The following PPP1R14C variants were observed in gnomAD, a reference collection of about 807,000 sequenced individuals.
PPP1R14C encodes the protein protein phosphatase 1 regulatory subunit 14C.
In PPP1R14C, 16 loss-of-function variants were observed where a neutral mutation model predicts 20.4. That is an observed-to-expected ratio of 0.78 (90% confidence interval 0.53 to 1.19). The LOEUF is 1.19. Among genes scored for constraint, PPP1R14C ranks in the 50% most tolerant of loss-of-function variants. The pLI is 0.00. For synonymous variants in PPP1R14C, 91 were observed against 91.0 expected (o/e 1.00, Z 0.00); for missense variants, 211 against 220.1 (o/e 0.96, Z 0.26).
At chr6:150,214,026 C>T (rs1366006737) in intron 1 of PPP1R14C, among the ~76,000 whole-genome samples, 2 of 152,236 alleles carry the variant, frequency 1.3e-5, no homozygotes, top group South Asian at 2.1e-4. Context: ...GTATGGTAGC[C>T]ACCGGTAATT....
chr6:150,178,529 C>T (rs1003971324), intron 1 of PPP1R14C, among the ~76,000 whole-genome samples: 5 of 152,180 alleles, frequency 3.3e-5, no homozygotes, highest in South Asian at 2.1e-4. Context: ...AAAGTCAATA[C>T]GATTGATTTC....
chr6:150,237,918 G>T (rs1261460125), intron 3 of PPP1R14C, among the ~76,000 whole-genome samples: 1 of 152,120 alleles, frequency 6.6e-6, no homozygotes, highest in Non-Finnish European at 1.5e-5. Flanking sequence ...GTTTCAAAGG[G>T]TTCTTCTATA....
At chr6:150,215,642 T>C (rs1778082251) in intron 2 of PPP1R14C, among the ~76,000 whole-genome samples, 1 of 152,252 alleles carries the variant, frequency 6.6e-6, no homozygotes, top group South Asian at 2.1e-4. Flanking sequence ...AATTATTTCT[T>C]CTTGCTAGAT....
At chr6:150,180,911 G>A (rs9397722) in intron 1 of PPP1R14C, among the ~76,000 whole-genome samples, 93,947 of 152,038 alleles carry the variant, frequency 0.62, 30,314 homozygotes, top group African/African-American at 0.82. Flanking sequence ...CTGCATAGTT[G>A]CTGGAAAAAT....
chr6:150,218,483 C>CG (rs963205025), intron 3 of PPP1R14C, among the ~76,000 whole-genome samples: 17 of 118,696 alleles, frequency 1.4e-4, no homozygotes, highest in African/African-American at 5.6e-4. Flanking sequence ...AACCCCCCCC[C>CG]CCAAAAAAAA....
At chr6:150,180,150 C>T (rs974097601) in intron 1 of PPP1R14C, among the ~76,000 whole-genome samples, 1 of 152,006 alleles carries the variant, frequency 6.6e-6, no homozygotes, top group East Asian at 1.9e-4. Context: ...TGCAGTGAGC[C>T]GAGATTGTGC....
rs937283918 is a variant in PPP1R14C at position 150,143,687 on chromosome 6, C to A, written c.306+189C>A. Among the ~76,000 whole-genome samples the A allele has an allele frequency of 6.6e-6, 1 of 152,204 alleles. No homozygotes were observed. The highest frequency in any genetic ancestry group is 1.5e-5 in the Non-Finnish European group (1 of 68,042). The stretch of plus-strand genomic sequence containing the variant: ...GGCGTCGGGCTCAGCGGTTGGGACG[C>A]CCCTGTCTGGGTTCGGCTGCCGGTG... On this transcript the variant is annotated intron_variant, in intron 1 of 3. Transcript: ENST00000361131. The surrounding 1 kb of genome is among the most constrained non-coding windows in gnomAD (Gnocchi z 5.6).
chr6:150,217,666 C>T (rs1331792940), intron 3 of PPP1R14C, among the ~76,000 whole-genome samples: 1 of 152,186 alleles, frequency 6.6e-6, no homozygotes, highest in Non-Finnish European at 1.5e-5. Context: ...TGTAGACTCT[C>T]ATGACTGACA....
intron 1 of PPP1R14C, among the ~76,000 whole-genome samples, chr6:150,152,999 C>A (rs1777268012): frequency 1.3e-5 from 2 of 152,358 alleles, no homozygotes; most frequent in South Asian, 4.1e-4. Context: ...GGGGCCAGAG[C>A]TCGCTCTCAC....
At chr6:150,235,403 T>G (rs1470822128) in intron 3 of PPP1R14C, among the ~76,000 whole-genome samples, 1 of 152,248 alleles carries the variant, frequency 6.6e-6, no homozygotes, top group African/African-American at 2.4e-5. Flanking sequence ...GGAAATGTGC[T>G]GCATCTTGAT....
rs573970507 is a variant in PPP1R14C, at chr6:150,237,033, G to A, written c.424-11713G>A. ...CTCAGAAGAAACACATGTGTGCTGC[G>A]CCCAGCCTGACATCCATGCCCCAGC... On this transcript the variant is annotated intron_variant, in intron 3 of 3. Coordinates refer to ENST00000361131, the MANE Select transcript of PPP1R14C (RefSeq NM_030949.3). Among the ~76,000 whole-genome samples, 19 of 151,708 alleles carry A rather than the reference G, an allele frequency of 1.3e-4. No homozygotes were observed. In the East Asian group the frequency reaches 2.3e-3, roughly 19 times the overall value.
intron 1 of PPP1R14C, among the ~76,000 whole-genome samples, chr6:150,188,521 C>T (rs1244753161): frequency 6.8e-6 from 1 of 146,032 alleles, no homozygotes; most frequent in Non-Finnish European, 1.5e-5. Flanking sequence ...GAGTCTCGCC[C>T]TATTGCCCAG....
intron 1 of PPP1R14C, among the ~76,000 whole-genome samples, chr6:150,190,291 C>A (rs1334476525): frequency 6.6e-6 from 1 of 152,034 alleles, no homozygotes; most frequent in Non-Finnish European, 1.5e-5. Flanking sequence ...CCTTAGTATG[C>A]CCAAAGCCCA....
chr6:150,247,707 C>T (rs753151144), intron 3 of PPP1R14C, among the ~76,000 whole-genome samples: 2 of 132,702 alleles, frequency 1.5e-5, no homozygotes, highest in Non-Finnish European at 3.3e-5. Flanking sequence ...TGTCAAAAAA[C>T]TTCAAAGACT....
chr6:150,196,707 C>T (rs1777809082), intron 1 of PPP1R14C, among the ~76,000 whole-genome samples: 1 of 152,190 alleles, frequency 6.6e-6, no homozygotes, highest in African/African-American at 2.4e-5. Context: ...AGCATGGCCT[C>T]TCCTTCTCCC....
At chr6:150,213,564 A>T (rs143054434) in intron 1 of PPP1R14C, among the ~76,000 whole-genome samples, 1 of 152,334 alleles carries the variant, frequency 6.6e-6, no homozygotes, top group South Asian at 2.1e-4. Flanking sequence ...GCTCCTGCAG[A>T]TGCTTCTCAG....
chr6:150,172,144 T>C (rs1777507383), intron 1 of PPP1R14C, among the ~76,000 whole-genome samples: 1 of 152,198 alleles, frequency 6.6e-6, no homozygotes, highest in Non-Finnish European at 1.5e-5. Context: ...GAATTTATGT[T>C]ATGTATTCAT....
rs1306276547 is a variant in PPP1R14C, at chr6:150,249,655, A to T, written c.*835A>T. 2.3e-5 allele frequency: 9 copies of T among 397,972 alleles called. No individual in the cohort carries two copies. Among genetic ancestry groups the T allele is most frequent in the Admixed American group, 8.8e-5 (2 of 22,716 alleles). 24.7% of individuals were successfully genotyped at this position (397,972 alleles called of 1,614,324 possible). A position where few individuals can be genotyped will look rare whatever the true frequency, so the allele number is the denominator to read the frequency against. ...TATCTCAGTGGTATTTTGCATTGGA[A>T]AAAGGAAGCACTGTGTAGCAGTGAA... On this transcript the variant is annotated 3_prime_UTR_variant, in exon 4 of 4. Coordinates refer to ENST00000361131, the MANE Select transcript of PPP1R14C (RefSeq NM_030949.3).
intron 1 of PPP1R14C, among the ~76,000 whole-genome samples, chr6:150,147,538 G>A (rs1273549818): frequency 1.3e-5 from 2 of 152,192 alleles, no homozygotes; most frequent in East Asian, 1.9e-4. Context: ...AACAAGTACT[G>A]CAAGATGACT....
Sources: gnomAD v4.1 joint callset for allele counts (sites outside exome capture counted in the v4.1 genomes callset) on GRCh38, gnomAD v4.1.1 for gene constraint, Gnocchi (gnomAD v3.1) non-coding constraint, MANE v1.5 for transcripts, NCBI Gene and HGNC (gene_info 2026-07-23, HGNC 2026-07-21) for gene names.